COL24A1: variants seen among roughly 807,000 people sequenced by gnomAD.
COL24A1 encodes the protein collagen type XXIV alpha 1 chain.
A neutral mutation model predicts 253.9 loss-of-function variants in COL24A1; 224 were observed. The ratio of observed to expected loss-of-function variants is 0.88; its 90% CI spans 0.79 to 0.99. COL24A1 has a LOEUF of 0.99. Ranked by LOEUF, COL24A1 falls within the 50% of genes least tolerant of loss-of-function variation. COL24A1 has a pLI of 0.00. For missense variants in COL24A1, 2,131 were observed against 2,068.5 expected, an observed-to-expected ratio of 1.03 and a Z score of -0.59; for synonymous variants, 685 against 673.7, an observed-to-expected ratio of 1.02 and a Z score of -0.26.
chr1:85,962,800 G>C (rs1173041610), intron 23 of COL24A1, among the ~76,000 whole-genome samples: 6 of 152,090 alleles, frequency 3.9e-5, no homozygotes, highest in African/African-American at 1.2e-4. Context: ...TGTCTAAACA[G>C]TAATAATTAT....
intron 40 of COL24A1, 89 bp downstream of exon 40, chr1:85,842,251 G>C: frequency 7.5e-7 from 1 of 1,329,824 alleles, no homozygotes; most frequent in East Asian, 2.3e-5. Flanking sequence ...GTTTATCAGA[G>C]AGATTTCATC....
intron 35 of COL24A1, among the ~76,000 whole-genome samples, chr1:85,871,203 T>G (rs1444571680): frequency 1.3e-5 from 2 of 152,050 alleles, no homozygotes; most frequent in African/African-American, 4.8e-5. Flanking sequence ...AGTCAATAAT[T>G]AATAGCCTAC....
intron 19 of COL24A1, among the ~76,000 whole-genome samples, chr1:85,995,593 A>G (rs1275930331): frequency 1.3e-5 from 2 of 152,092 alleles, no homozygotes; most frequent in African/African-American, 4.8e-5. Context: ...GGGAGGGGGG[A>G]AGGAGAGGCA....
chr1:85,868,562 C>T lies in COL24A1; in HGVS notation c.3257G>A (p.Gly1086Glu), dbSNP rs772795092. 2.5e-6 allele frequency: 4 copies of T among 1,613,926 alleles called. No individual in the cohort carries two copies. The highest frequency in any genetic ancestry group is 1.7e-4 in the Middle Eastern group (1 of 6,058). The change falls in exon 37 of 60, where the codon GGA becomes GAA. Residue 1086 changes from glycine to glutamate, a missense_variant. Physicochemically the swap from Gly to Glu is moderately conservative, Grantham distance 98. Coordinates refer to ENST00000370571, the MANE Select transcript of COL24A1 (RefSeq NM_152890.7). The part of the protein sequence containing the change: ...DGEKGEMGLP[G>E]IIGPLGRSGQ... The stretch of plus-strand genomic sequence containing the variant: ...TGATCTACCCAAGGGTCCTATAATT[C>T]CTGGTAAGCCCATCTCTCCTTTTTC...
intron 37 of COL24A1, among the ~76,000 whole-genome samples, chr1:85,859,721 C>T (rs764064331): frequency 1.6e-4 from 25 of 152,032 alleles, no homozygotes; most frequent in Non-Finnish European, 3.4e-4. Context: ...GTTAACATTG[C>T]CCACTGCAAC....
Position 85,744,726 on chromosome 1 carries a change from G to A in COL24A1, c.4612C>T (p.Arg1538Ter), listed in dbSNP as rs201755361. 2.4e-5 allele frequency: 38 copies of A among 1,609,034 alleles called. No individual in the cohort carries two copies. In the Middle Eastern group the frequency reaches 6.6e-4, roughly 28 times the overall value. ...LHSIKNPLGTRDNPARICKDL... is the reference protein window; with the variant it reads ...LHSIKNPLGT The stretch of plus-strand genomic sequence containing the variant: ...TTGCAGATTCGTGCTGGGTTATCTC[G>A]TGTGCCAAGAGGATTCTTGATGCTG... The change falls in exon 57 of 60, where the codon CGA becomes TGA. Residue 1538 changes from arginine (R) to a stop codon, truncating the protein, a stop_gained. Transcript: ENST00000370571. LOFTEE classifies it high-confidence loss of function.
intron 47 of COL24A1, among the ~76,000 whole-genome samples, chr1:85,798,436 C>T (rs1181397796): frequency 6.6e-6 from 1 of 152,116 alleles, no homozygotes; most frequent in Non-Finnish European, 1.5e-5. Context: ...ACTGAATAAT[C>T]AACCTCTTAA....
intron 53 of COL24A1, among the ~76,000 whole-genome samples, chr1:85,773,879 T>C (rs1248640755): frequency 1.3e-5 from 2 of 152,172 alleles, no homozygotes; most frequent in African/African-American, 2.4e-5. Context: ...TCTTGCCTGA[T>C]TTCCCTGGCC....
At chr1:85,848,279 T>A (rs1017889721) in intron 38 of COL24A1, among the ~76,000 whole-genome samples, 1 of 152,142 alleles carries the variant, frequency 6.6e-6, no homozygotes, top group African/African-American at 2.4e-5. Context: ...AATTATCTTC[T>A]GTTTTCTATT....
At chr1:86,097,048 T>C (rs963460734) in intron 5 of COL24A1, among the ~76,000 whole-genome samples, 3 of 152,220 alleles carry the variant, frequency 2.0e-5, no homozygotes, top group African/African-American at 7.2e-5. Flanking sequence ...CGCTCTGTTT[T>C]TCCTGCATTA....
chr1:85,924,861 A>G (rs1050713126), intron 24 of COL24A1, among the ~76,000 whole-genome samples: 1 of 152,232 alleles, frequency 6.6e-6, no homozygotes, highest in African/African-American at 2.4e-5. Flanking sequence ...GTATTCAATT[A>G]GGAAAAGAGG....
intron 6 of COL24A1, among the ~76,000 whole-genome samples, chr1:86,089,939 G>A (rs993716522): frequency 1.3e-5 from 2 of 152,304 alleles, no homozygotes; most frequent in South Asian, 2.1e-4. Flanking sequence ...CTGCAGCCTG[G>A]TAGGTCTCCC....
intron 13 of COL24A1, 133 bp from the exon 14 acceptor site, chr1:86,032,055 A>C: frequency 1.6e-6 from 1 of 625,040 alleles, no homozygotes; most frequent in South Asian, 2.5e-5. Flanking sequence ...AACTTCTGAA[A>C]CTCCCCTAAT....
chr1:86,052,637 A>G (rs1328063066), intron 10 of COL24A1, among the ~76,000 whole-genome samples: 1 of 152,040 alleles, frequency 6.6e-6, no homozygotes, highest in Non-Finnish European at 1.5e-5. Context: ...AGATGAAAAA[A>G]GTTTTTAAGA....
rs188367800 is a variant in COL24A1 at position 85,759,502 on chromosome 1, G to A, written c.4437+1894C>T. The stretch of plus-strand genomic sequence containing the variant: ...CTGCTCTAGAAATCTTATCCTCAAT[G>A]TTATTTTCCTACAACGGACTCTGCA... On this transcript the variant is annotated intron_variant, in intron 55 of 59. Transcript: ENST00000370571. Among the ~76,000 whole-genome samples the A allele has an allele frequency of 3.1e-3, 479 of 152,194 alleles. 2 individuals are homozygous for A. Among genetic ancestry groups the A allele is most frequent in the Non-Finnish European group, 5.5e-3 (371 of 68,006 alleles).
intron 24 of COL24A1, among the ~76,000 whole-genome samples, chr1:85,932,056 C>G (rs1687780998): frequency 1.2e-5 from 1 of 80,952 alleles, no homozygotes; most frequent in Non-Finnish European, 2.5e-5. Flanking sequence ...ACACCAAAAG[C>G]AATGGCAACC....
At chr1:85,957,498 C>A (rs1420626661) in intron 24 of COL24A1, among the ~76,000 whole-genome samples, 1 of 152,106 alleles carries the variant, frequency 6.6e-6, no homozygotes, top group Non-Finnish European at 1.5e-5. Context: ...AGTCTATATG[C>A]CATTTCCTTG....
At chr1:85,971,913 A>G (rs1692205186) in intron 20 of COL24A1, among the ~76,000 whole-genome samples, 1 of 152,176 alleles carries the variant, frequency 6.6e-6, no homozygotes, top group Non-Finnish European at 1.5e-5. Flanking sequence ...AGAGAAGAGG[A>G]ATTTGCAGAA....
At chr1:85,785,401 G>A (rs1024682334) in intron 48 of COL24A1, among the ~76,000 whole-genome samples, 3 of 152,220 alleles carry the variant, frequency 2.0e-5, no homozygotes, top group East Asian at 1.9e-4. Context: ...AATGAAAAAC[G>A]ATGCTTGGTA....
Sources: gnomAD v4.1 joint callset for allele counts (sites outside exome capture counted in the v4.1 genomes callset) on GRCh38, gnomAD v4.1.1 for gene constraint, MANE v1.5 for transcripts, NCBI Gene and HGNC (gene_info 2026-07-23, HGNC 2026-07-21) for gene names.